The following SYN3 variants were observed in gnomAD, a reference collection of about 807,000 sequenced individuals.
The protein encoded by SYN3 is synapsin-3.
SYN3 carries 35 observed loss-of-function variants against 65.8 expected under a neutral mutation model. That is an observed-to-expected ratio of 0.53 (90% CI 0.41 to 0.70). The LOEUF (loss-of-function observed/expected upper bound fraction) is 0.70. Among genes scored for constraint, SYN3 ranks in the 30% least tolerant of loss-of-function variants. The pLI, the probability that SYN3 is intolerant of heterozygous loss-of-function variation, is 0.00. For synonymous variants in SYN3, 270 were observed against 292.9 expected, an observed-to-expected ratio of 0.92 and a Z score of 0.80; for missense variants, 680 against 749.0, an observed-to-expected ratio of 0.91 and a Z score of 1.08.
chr22:32,730,489 T>G (rs1312079194), intron 6 of SYN3, among the ~76,000 whole-genome samples: 1 of 152,256 alleles, frequency 6.6e-6, no homozygotes, highest in African/African-American at 2.4e-5. Flanking sequence ...TTTGATTTCC[T>G]ACATAACTTG....
chr22:32,846,695 T>C (rs1034922050), intron 6 of SYN3, among the ~76,000 whole-genome samples: 2 of 152,180 alleles, frequency 1.3e-5, no homozygotes, highest in Non-Finnish European at 2.9e-5. Flanking sequence ...CCAGGCTCTT[T>C]AATGCAATGC....
intron 4 of SYN3, among the ~76,000 whole-genome samples, chr22:32,870,313 C>T (rs2048814539): frequency 7.5e-6 from 1 of 134,048 alleles, no homozygotes; most frequent in Non-Finnish European, 1.6e-5. Flanking sequence ...TTCATAATTG[C>T]TCCATACTTT....
chr22:32,946,081 T>G (rs1226924103), intron 3 of SYN3, among the ~76,000 whole-genome samples: 3 of 152,228 alleles, frequency 2.0e-5, no homozygotes, highest in African/African-American at 7.2e-5. Flanking sequence ...GGAACACTTT[T>G]ACATTGTTGG....
chr22:32,511,264 G>T lies in SYN3; in HGVS notation c.*2428C>A, dbSNP rs1226152320. Among the ~76,000 whole-genome samples the T allele has an allele frequency of 6.6e-6, 1 of 152,152 alleles. No individual in the cohort carries two copies. Among genetic ancestry groups the T allele is most frequent in the Non-Finnish European group, 1.5e-5 (1 of 68,034 alleles). ...GCAAAGTTCTACCGGATTATAAATG[G>T]TCTGATCTATTCCTTGCCATCACCT... is the stretch of plus-strand genomic sequence containing the variant. On this transcript the variant is annotated 3_prime_UTR_variant, in exon 14 of 14. Coordinates refer to ENST00000358763, the MANE Select transcript of SYN3 (RefSeq NM_003490.4).
chr22:33,002,755 G>T (rs770289908), intron 2 of SYN3, among the ~76,000 whole-genome samples: 10 of 152,198 alleles, frequency 6.6e-5, no homozygotes, highest in Non-Finnish European at 1.3e-4. Flanking sequence ...ATGCACATTG[G>T]ACTAACAGAG....
intron 4 of SYN3, among the ~76,000 whole-genome samples, chr22:32,918,239 A>T (rs2050239299): frequency 6.6e-6 from 1 of 152,232 alleles, no homozygotes; most frequent in Admixed American, 6.5e-5. Flanking sequence ...AAACAGCTTA[A>T]CTTGATCCTC....
chr22:32,617,118 G>A (rs768552793), intron 6 of SYN3, among the ~76,000 whole-genome samples: 10 of 152,210 alleles, frequency 6.6e-5, no homozygotes, highest in African/African-American at 9.7e-5. Context: ...TCACTACGCC[G>A]TGTGTGTATG....
intron 1 of SYN3, among the ~76,000 whole-genome samples, chr22:33,017,982 G>T (rs570350716): frequency 6.6e-6 from 1 of 152,278 alleles, no homozygotes; most frequent in East Asian, 1.9e-4. Context: ...CAAGATTCTT[G>T]TAAGAGAATG....
At chr22:32,926,317 TGAA>T (rs1210094408) in intron 4 of SYN3, among the ~76,000 whole-genome samples, 10 of 152,382 alleles carry the variant, frequency 6.6e-5, no homozygotes, top group Middle Eastern at 3.4e-3. Flanking sequence ...GAGGGTGCTA[TGAA>T]GAAGTACATG....
chr22:32,822,585 T>C (rs527725538), intron 6 of SYN3, among the ~76,000 whole-genome samples: 4 of 152,306 alleles, frequency 2.6e-5, no homozygotes, highest in Admixed American at 1.3e-4. Flanking sequence ...ATGGAGTCCA[T>C]TGCTACATTG....
At chr22:32,850,674 C>T (rs2048192938) in intron 6 of SYN3, among the ~76,000 whole-genome samples, 1 of 152,158 alleles carries the variant, frequency 6.6e-6, no homozygotes, top group South Asian at 2.1e-4. Context: ...CTGAGGTCCA[C>T]AGGAACTGTC....
chr22:32,780,497 C>G (rs2046014712), intron 6 of SYN3, among the ~76,000 whole-genome samples: 1 of 152,180 alleles, frequency 6.6e-6, no homozygotes, highest in African/African-American at 2.4e-5. Flanking sequence ...ATCAGAGAAT[C>G]TCTGGCTGAG....
chr22:32,852,358 G>T (rs2048243776), intron 6 of SYN3, among the ~76,000 whole-genome samples: 1 of 152,276 alleles, frequency 6.6e-6, no homozygotes, highest in South Asian at 2.1e-4. Flanking sequence ...ACAAAAAGAG[G>T]TCAGTTTGGG....
In SYN3 at chr22:32,845,122, G is replaced by A. The variant is rs374944037; in HGVS notation, c.711+19793C>T. On this transcript the variant is annotated intron_variant, in intron 6 of 13. Coordinates refer to ENST00000358763, the MANE Select transcript of SYN3 (RefSeq NM_003490.4). ...TCTAGAGAGACAAGAGAGGCTCAGA[G>A]GCTGAGATTCACACTGAGCCTCACC... 8.5e-5 allele frequency among the ~76,000 whole-genome samples: 13 copies of A among 152,220 alleles called. No homozygotes were observed. The East Asian group carries it at 1.7e-3, about 20-fold the overall frequency.
At chr22:32,602,974 C>A (rs2059306664) in intron 6 of SYN3, among the ~76,000 whole-genome samples, 1 of 149,624 alleles carries the variant, frequency 6.7e-6, no homozygotes, top group Non-Finnish European at 1.5e-5. Flanking sequence ...AATTTGGAGA[C>A]ATTCTTTTTT....
chr22:32,686,666 G>A (rs1601913206), intron 6 of SYN3, among the ~76,000 whole-genome samples: 2 of 10,558 alleles, frequency 1.9e-4, no homozygotes, highest in Non-Finnish European at 4.0e-4. Context: ...GCATGATCTC[G>A]GCTCACTGCA....
chr22:32,857,317 T>C (rs774455224), intron 6 of SYN3: 1 of 1,614,156 alleles, frequency 6.2e-7, no homozygotes, highest in Non-Finnish European at 8.5e-7. Flanking sequence ...AGAGTCTCTG[T>C]GGCCTTAAGC....
chr22:32,703,685 C>T (rs1433094782), intron 6 of SYN3, among the ~76,000 whole-genome samples: 1 of 151,016 alleles, frequency 6.6e-6, no homozygotes. Flanking sequence ...TGTTCTAAGT[C>T]TCATCCAAAG....
At chr22:32,580,955 C>A (rs1018703133) in intron 7 of SYN3, among the ~76,000 whole-genome samples, 2 of 152,192 alleles carry the variant, frequency 1.3e-5, no homozygotes, top group African/African-American at 4.8e-5. Flanking sequence ...TGAGAGCCTG[C>A]ATTTTAACAA....
Sources: allele counts gnomAD v4.1 joint callset (sites outside exome capture counted in the v4.1 genomes callset), GRCh38; gene constraint gnomAD v4.1.1; transcripts MANE v1.5; gene names NCBI Gene and HGNC (gene_info 2026-07-23, HGNC 2026-07-21).